The following MBD5 variants were observed in gnomAD, a reference collection of about 807,000 sequenced individuals.
MBD5 encodes methyl-CpG binding domain protein 5.
Under a neutral mutation model 117.3 loss-of-function variants are expected in MBD5, and 13 were observed. The ratio of observed to expected loss-of-function variants is 0.11; its 90% CI spans 0.07 to 0.18. MBD5 has a LOEUF of 0.18. Among genes scored for constraint, MBD5 ranks in the 10% least tolerant of loss-of-function variants. MBD5 has a pLI of 1.00. For missense variants in MBD5, 1,879 were observed against 2,093.8 expected (o/e 0.90, Z 2.00); for synonymous variants, 727 against 766.4 (o/e 0.95, Z 0.85).
At chr2:148,403,270 C>G (rs370654606) in intron 4 of MBD5, among the ~76,000 whole-genome samples, 163 of 152,130 alleles carry the variant, frequency 1.1e-3, no homozygotes, top group African/African-American at 3.7e-3. Flanking sequence ...ACCTCCACCC[C>G]CCAGGTTCAA....
intron 2 of MBD5, among the ~76,000 whole-genome samples, chr2:148,204,887 G>A (rs1699238062): frequency 1.3e-5 from 2 of 151,952 alleles, no homozygotes; most frequent in South Asian, 4.2e-4. Flanking sequence ...GCATTGAAAG[G>A]ATTTAACTGT....
chr2:148,038,124 A>G (rs1217406787), intron 1 of MBD5, among the ~76,000 whole-genome samples: 1 of 151,996 alleles, frequency 6.6e-6, no homozygotes, highest in Non-Finnish European at 1.5e-5. Flanking sequence ...TCCTAGTGTA[A>G]TAATATCTGC....
At chr2:148,361,729 A>G (rs1382300212) in intron 4 of MBD5, among the ~76,000 whole-genome samples, 1 of 152,220 alleles carries the variant, frequency 6.6e-6, no homozygotes, top group Non-Finnish European at 1.5e-5. Context: ...GGTGGCTGCC[A>G]AGATGGCCAA....
intron 1 of MBD5, chr2:148,070,800 G>A (rs745729298): frequency 2.0e-5 from 3 of 151,608 alleles, no homozygotes; most frequent in Non-Finnish European, 4.4e-5. Flanking sequence ...ATTTAAAATG[G>A]AAGTGTAAAA....
intron 10 of MBD5, among the ~76,000 whole-genome samples, chr2:148,487,740 G>GAC (rs113925666): frequency 0.021 from 3,145 of 151,076 alleles, 91 homozygotes; most frequent in African/African-American, 0.065. Context: ...AGCTGTTCTT[G>GAC]ACACACACAC....
At chr2:148,355,420 C>T (rs1224439108) in intron 4 of MBD5, among the ~76,000 whole-genome samples, 1 of 151,316 alleles carries the variant, frequency 6.6e-6, no homozygotes, top group Non-Finnish European at 1.5e-5. Context: ...TTAGGTTTTA[C>T]ATTTAAGTCT....
In MBD5 at chr2:148,043,268, A is replaced by G. The variant is rs542868919; in HGVS notation, c.-925+21584A>G. Among the ~76,000 whole-genome samples, 151 of 151,036 alleles carry G rather than the reference A, an allele frequency of 1.0e-3. 1 individual carries two copies. In the Middle Eastern group the frequency reaches 0.02, roughly 20 times the overall value. The stretch of plus-strand genomic sequence containing the variant: ...GTGAAACCCTCTCTCTACTAAAAAT[A>G]CAAAAAAAAAATAAAAAAATAAATA... On this transcript the variant is annotated intron_variant, in intron 1 of 13. Transcript: ENST00000642680.
chr2:148,249,602 G>A (rs1182742924), intron 3 of MBD5, among the ~76,000 whole-genome samples: 1 of 152,064 alleles, frequency 6.6e-6, no homozygotes, highest in Non-Finnish European at 1.5e-5. Context: ...TGTAGATACT[G>A]TACTATATAC....
At chr2:148,035,586 C>T (rs1189088896) in intron 1 of MBD5, among the ~76,000 whole-genome samples, 1 of 152,156 alleles carries the variant, frequency 6.6e-6, no homozygotes, top group Non-Finnish European at 1.5e-5. Context: ...TAAATATTCT[C>T]ATAACTTACA....
At chr2:148,166,371 TTATTC>T (rs928532221) in intron 1 of MBD5, among the ~76,000 whole-genome samples, 3 of 152,154 alleles carry the variant, frequency 2.0e-5, no homozygotes, top group Non-Finnish European at 4.4e-5. Context: ...ATTTGAAATA[TTATTC>T]TCATCTGGTA....
At position 148,462,159 on chromosome 2, in the gene MBD5, A is replaced by G. The variant is rs137987399; in HGVS notation, c.114-423A>G. Among the ~76,000 whole-genome samples, 4 of 152,284 alleles carry G rather than the reference A, an allele frequency of 2.6e-5. No individual in the cohort carries two copies. In the East Asian group the frequency reaches 5.8e-4, roughly 22 times the overall value. ...GTGGACTTGCCAACTTTCTGGTTCG[A>G]ACTTCAATATGTTTCTAAATTTCTG... is the stretch of plus-strand genomic sequence containing the variant. On this transcript the variant is annotated intron_variant, in intron 5 of 13. Coordinates refer to ENST00000642680, the MANE Select transcript of MBD5 (RefSeq NM_001378120.1).
At chr2:148,082,733 G>A (rs1464305318) in intron 1 of MBD5, among the ~76,000 whole-genome samples, 1 of 151,730 alleles carries the variant, frequency 6.6e-6, no homozygotes, top group Non-Finnish European at 1.5e-5. Flanking sequence ...TTCAGAGGAA[G>A]GGGTTTTTTA....
intron 12 of MBD5, among the ~76,000 whole-genome samples, chr2:148,509,547 C>T (rs562133718): frequency 6.6e-6 from 1 of 152,362 alleles, no homozygotes; most frequent in Admixed American, 6.5e-5. Flanking sequence ...TTTCCCACCC[C>T]GGAACACGCA....
intron 1 of MBD5, chr2:148,068,532 C>G (rs1393478045): frequency 1.3e-5 from 2 of 152,010 alleles, no homozygotes; most frequent in Non-Finnish European, 2.9e-5. Flanking sequence ...GTCATAGTAC[C>G]CATATGTTCT....
intron 1 of MBD5, among the ~76,000 whole-genome samples, chr2:148,049,340 A>G (rs1694628174): frequency 6.6e-6 from 1 of 152,184 alleles, no homozygotes; most frequent in African/African-American, 2.4e-5. Flanking sequence ...ATTTATGGAA[A>G]TCTGTCAGTG....
chr2:148,134,995 G>A (rs1574050929), intron 1 of MBD5, among the ~76,000 whole-genome samples: 1 of 152,172 alleles, frequency 6.6e-6, no homozygotes, highest in East Asian at 1.9e-4. Flanking sequence ...TAACCTGGAA[G>A]ATGAATGATA....
At chr2:148,161,164 A>G (rs1697998742) in intron 1 of MBD5, among the ~76,000 whole-genome samples, 1 of 152,198 alleles carries the variant, frequency 6.6e-6, no homozygotes, top group South Asian at 2.1e-4. Context: ...CTACTCTTTA[A>G]TAAACCCACA....
chr2:148,322,197 C>T (rs539618667), intron 3 of MBD5, among the ~76,000 whole-genome samples: 10 of 152,272 alleles, frequency 6.6e-5, no homozygotes, highest in South Asian at 2.1e-4. Flanking sequence ...TGATGGTAAT[C>T]GGATTGACCT....
At chr2:148,284,413 A>G (rs929000817) in intron 3 of MBD5, among the ~76,000 whole-genome samples, 1 of 152,212 alleles carries the variant, frequency 6.6e-6, no homozygotes, top group African/African-American at 2.4e-5. Flanking sequence ...TATTGTTTCA[A>G]TCACCTCAAA....
Sources: allele counts gnomAD v4.1 joint callset (sites outside exome capture counted in the v4.1 genomes callset), GRCh38; gene constraint gnomAD v4.1.1; transcripts MANE v1.5; gene names NCBI Gene and HGNC (gene_info 2026-07-23, HGNC 2026-07-21).